The following PPP1R1A variants were observed in gnomAD, a reference collection of about 807,000 sequenced individuals.
PPP1R1A encodes the protein protein phosphatase 1 regulatory inhibitor subunit 1A, also known as protein phosphatase 1 regulatory subunit 1A.
Under a neutral mutation model 23.9 loss-of-function variants are expected in PPP1R1A, and 18 were observed. The observed-to-expected ratio is 0.75, with a 90% confidence interval of 0.52 to 1.12. The LOEUF is 1.12. Ranked by LOEUF, PPP1R1A falls within the 50% of genes most tolerant of loss-of-function variation. PPP1R1A has a pLI of 0.00. For synonymous variants in PPP1R1A, 84 were observed against 80.7 expected (o/e 1.04, Z -0.22); for missense variants, 207 against 223.8 (o/e 0.92, Z 0.48).
chr12:54,588,255 G>GACC, intron 1 of PPP1R1A, 150 bp downstream of exon 1: 1 of 345,288 alleles, frequency 2.9e-6, no homozygotes, highest in South Asian at 8.3e-5. Flanking sequence ...GGGGACAGAA[G>GACC]ACCCCCCCCC....
rs1357151197 is a variant in PPP1R1A, at chr12:54,581,296, CAA to C, written c.404-248_404-247del. On this transcript the variant is annotated intron_variant, in intron 5 of 6. Coordinates refer to ENST00000257905, the MANE Select transcript of PPP1R1A (RefSeq NM_006741.4). This position sits in a 1 kb window ranked among gnomAD's most constrained non-coding sequence, Gnocchi z 4.1. Reference sequence around the variant, plus strand: ...CCTCTACAGTTTAAAAAACAAAACTCAATATGTGTCTAAACCTGACATGAACT... The same window carrying C: ...CCTCTACAGTTTAAAAAACAAAACTCTATGTGTCTAAACCTGACATGAACT... Among the ~76,000 whole-genome samples, 3 of 152,304 alleles carry C rather than the reference CAA, an allele frequency of 2.0e-5. No individual in the cohort carries two copies. In the East Asian group the frequency reaches 5.8e-4, roughly 29 times the overall value.
chr12:54,586,868 C>A (rs1466315534), intron 1 of PPP1R1A, among the ~76,000 whole-genome samples: 1 of 152,178 alleles, frequency 6.6e-6, no homozygotes, highest in African/African-American at 2.4e-5. Flanking sequence ...AGGCAGTTCT[C>A]CTTGGAACTG....
chr12:54,585,722 A>G (rs1144999), intron 1 of PPP1R1A, among the ~76,000 whole-genome samples: 1,671 of 150,824 alleles, frequency 0.011, 33 homozygotes, highest in African/African-American at 0.038. Context: ...GCCCCTCTCT[A>G]TGCCCAGAAA....
rs35146181 is a variant in PPP1R1A, at chr12:54,582,888, C to G, written c.184-93G>C. ...CTAGCCCCCCATGCCCTCCAGCCCC[C>G]CTTGCCTTCCTCCTCTGCCTTGCCA... On this transcript the variant is annotated intron_variant, in intron 3 of 6. Transcript: ENST00000257905. 6,549 of 1,311,256 alleles carry G rather than the reference C, an allele frequency of 5.0e-3. 22 individuals carry two copies. The highest frequency in any genetic ancestry group is 6.3e-3 in the Non-Finnish European group (5,915 of 937,634). The allele number at this position is 1,311,256 out of a possible 1,614,324, so 81.2% of individuals were successfully genotyped here.
At position 54,582,812 on chromosome 12, in the gene PPP1R1A, G is replaced by A; in HGVS notation, c.184-17C>T. The stretch of plus-strand genomic sequence containing the variant: ...CAAAGTGGACTGTGAAGGGCACAGA[G>A]CACAGATGGGCGCCAGCCCCCCCTT... On this transcript the variant is annotated splice_polypyrimidine_tract_variant and intron_variant, in intron 3 of 6. Coordinates refer to ENST00000257905, the MANE Select transcript of PPP1R1A (RefSeq NM_006741.4). 1 of 1,612,090 alleles carries A rather than the reference G, an allele frequency of 6.2e-7. No individual in the cohort carries two copies. Among genetic ancestry groups the A allele is most frequent in the Admixed American group, 1.7e-5 (1 of 59,972 alleles).
At chr12:54,585,246 T>C (rs888705334) in intron 1 of PPP1R1A, among the ~76,000 whole-genome samples, 2 of 152,138 alleles carry the variant, frequency 1.3e-5, no homozygotes, top group African/African-American at 2.4e-5. Context: ...ATGGTAGATA[T>C]AATATCAATA....
At chr12:54,580,854 T>C in intron 6 of PPP1R1A, 90 bp downstream of exon 6, 2 of 1,140,434 alleles carry the variant, frequency 1.8e-6, no homozygotes, top group Non-Finnish European at 2.7e-6. Context: ...TTGTTTTCCT[T>C]TTCCTAGACT....
At chr12:54,580,655 C>T (rs964878292) in intron 6 of PPP1R1A, among the ~76,000 whole-genome samples, 4 of 152,220 alleles carry the variant, frequency 2.6e-5, no homozygotes, top group African/African-American at 4.8e-5. Context: ...GATCTCCCTT[C>T]GGGTTCCAAA....
chr12:54,584,506 G>A (rs1038518970), intron 1 of PPP1R1A, among the ~76,000 whole-genome samples, 186 bp from the exon 2 acceptor site: 8 of 152,102 alleles, frequency 5.3e-5, no homozygotes, highest in African/African-American at 1.9e-4. Context: ...CAAATACTGC[G>A]TGTTCTCACT....
rs116016876 is a variant in PPP1R1A, at chr12:54,586,252, A to G, written c.85-1932T>C. On this transcript the variant is annotated intron_variant, in intron 1 of 6. Transcript: ENST00000257905. ...CTTGACCTATTCCTTTGCTTTGGACAAGGTTTCTAAGCATTCAGAGTCCTT... is the reference window on the plus strand; with the variant it reads ...CTTGACCTATTCCTTTGCTTTGGACGAGGTTTCTAAGCATTCAGAGTCCTT... Among the ~76,000 whole-genome samples, 1,067 of 152,284 alleles carry G rather than the reference A, an allele frequency of 7.0e-3. 11 individuals are homozygous for G. Among genetic ancestry groups the G allele is most frequent in the African/African-American group, 0.025 (1,018 of 41,540 alleles).
intron 1 of PPP1R1A, 37 bp downstream of exon 1, chr12:54,588,368 C>T: frequency 6.8e-7 from 1 of 1,478,570 alleles, no homozygotes; most frequent in Non-Finnish European, 9.1e-7. Flanking sequence ...TCGTCCTTGG[C>T]TGGGCGAGTG....
intron 1 of PPP1R1A, among the ~76,000 whole-genome samples, chr12:54,584,647 T>C (rs1380625575): frequency 6.6e-6 from 1 of 152,082 alleles, no homozygotes; most frequent in African/African-American, 2.4e-5. Flanking sequence ...GTTCACTCTC[T>C]GGGTCAATCA....
rs976339758 is a variant in PPP1R1A, at chr12:54,580,294, G to A, written c.*93C>T. The A allele has an allele frequency of 1.3e-6, 2 of 1,578,838 alleles. No homozygotes were observed. The highest frequency in any genetic ancestry group is 2.7e-5 in the African/African-American group (2 of 73,632). On this transcript the variant is annotated 3_prime_UTR_variant, in exon 7 of 7. Transcript: ENST00000257905. ...CAAATTTATCACTTTTTAAAAACAAGAGATTTTCCCCAAAAGTGAAGGAAT... is the reference window on the plus strand; with the variant it reads ...CAAATTTATCACTTTTTAAAAACAAAAGATTTTCCCCAAAAGTGAAGGAAT...
Position 54,582,379 on chromosome 12 carries a change from G to T in PPP1R1A, c.248-248C>A, listed in dbSNP as rs116124280. Among the ~76,000 whole-genome samples, 489 of 152,266 alleles carry T rather than the reference G, an allele frequency of 3.2e-3. 5 individuals are homozygous for T. The highest frequency in any genetic ancestry group is 0.011 in the African/African-American group (455 of 41,542). On this transcript the variant is annotated intron_variant, in intron 4 of 6. Transcript: ENST00000257905. ...AGGAGAAGAGGCTTTAAGAACAAGG[G>T]ATACTCCTCACTTGCTGGGATACAT... is the stretch of plus-strand genomic sequence containing the variant.
intron 1 of PPP1R1A, among the ~76,000 whole-genome samples, chr12:54,587,362 T>C (rs34071274): frequency 0.099 from 15,074 of 152,134 alleles, 1,015 homozygotes; most frequent in Non-Finnish European, 0.14. Context: ...TTGTGGGAAA[T>C]TGATATTCTT....
intron 4 of PPP1R1A, 94 bp from the exon 5 acceptor site, chr12:54,582,225 G>A (rs1384033231): frequency 4.6e-6 from 6 of 1,315,330 alleles, no homozygotes; most frequent in Non-Finnish European, 6.1e-6. Flanking sequence ...TAAAGGCTCA[G>A]CACACATTGC....
chr12:54,580,811 A>G, intron 6 of PPP1R1A, 133 bp downstream of exon 6: 1 of 830,202 alleles, frequency 1.2e-6, no homozygotes, highest in Non-Finnish European at 2.1e-6. Flanking sequence ...TTTTACCATA[A>G]AGAATAACTT....
rs966363872 is a variant in PPP1R1A at position 54,579,872 on chromosome 12, C to T, written c.*515G>A. On this transcript the variant is annotated 3_prime_UTR_variant, in exon 7 of 7. Coordinates refer to ENST00000257905, the MANE Select transcript of PPP1R1A (RefSeq NM_006741.4). ...TTCCCATGGGCCAAGTGCCATGGTGCAGTTCCCCTTTTGTCCAGCAGATGG... is the reference window on the plus strand; with the variant it reads ...TTCCCATGGGCCAAGTGCCATGGTGTAGTTCCCCTTTTGTCCAGCAGATGG... 1.0e-6 allele frequency: 1 copy of T among 986,232 alleles called. No individual in the cohort carries two copies. The highest frequency in any genetic ancestry group is 1.2e-6 in the Non-Finnish European group (1 of 830,522). The allele number at this position is 986,232 out of a possible 1,614,324, so 61.1% of individuals were successfully genotyped here.
intron 4 of PPP1R1A, among the ~76,000 whole-genome samples, 188 bp downstream of exon 4, chr12:54,582,544 A>G (rs1482967406): frequency 6.6e-6 from 1 of 152,240 alleles, no homozygotes; most frequent in Admixed American, 6.5e-5. Context: ...AAGGCTCAGT[A>G]AGTTAAGCAG....
Sources: allele counts gnomAD v4.1 joint callset (sites outside exome capture counted in the v4.1 genomes callset), GRCh38; gene constraint gnomAD v4.1.1; non-coding constraint Gnocchi (gnomAD v3.1); transcripts MANE v1.5; gene names NCBI Gene and HGNC (gene_info 2026-07-23, HGNC 2026-07-21).